The following TAF4 variants were observed in gnomAD, a reference collection of about 807,000 sequenced individuals.
TAF4 encodes the protein transcription initiation factor TFIID subunit 4.
In TAF4, 9 loss-of-function variants were observed where a neutral mutation model predicts 90.3. That is an observed-to-expected ratio of 0.10 (90% confidence interval 0.06 to 0.17). TAF4 has a LOEUF of 0.17. Ranked by LOEUF, TAF4 falls within the 10% of genes least tolerant of loss-of-function variation. The pLI is 1.00. For missense variants in TAF4, 1,351 were observed against 1,370.7 expected, an observed-to-expected ratio of 0.99 and a Z score of 0.23; for synonymous variants, 818 against 638.9, an observed-to-expected ratio of 1.28 and a Z score of -4.23.
chr20:62,062,279 C>T (rs755602267), intron 1 of TAF4, among the ~76,000 whole-genome samples: 8 of 152,188 alleles, frequency 5.3e-5, no homozygotes, highest in African/African-American at 9.7e-5. Context: ...TTAATATTCT[C>T]TGATCAATCG....
At chr20:62,001,164 G>A (rs750433336) in intron 9 of TAF4, among the ~76,000 whole-genome samples, 13 of 152,166 alleles carry the variant, frequency 8.5e-5, no homozygotes, top group Non-Finnish European at 1.5e-4. Flanking sequence ...TCCTCCACCC[G>A]GAACATTCTG....
intron 1 of TAF4, among the ~76,000 whole-genome samples, chr20:62,019,854 C>T (rs2055832801): frequency 6.6e-6 from 1 of 152,222 alleles, no homozygotes; most frequent in Non-Finnish European, 1.5e-5. Context: ...CGAAGCTGTG[C>T]CACAACCACA....
intron 1 of TAF4, among the ~76,000 whole-genome samples, chr20:62,038,177 A>G (rs549171964): frequency 2.7e-4 from 41 of 152,108 alleles, no homozygotes; most frequent in Non-Finnish European, 4.4e-4. Flanking sequence ...ACAGGAGCCC[A>G]CCACTACGCC....
chr20:62,056,646 C>G (rs2056065891), intron 1 of TAF4, among the ~76,000 whole-genome samples: 1 of 151,970 alleles, frequency 6.6e-6, no homozygotes, highest in Admixed American at 6.6e-5. Context: ...AGACTTGGGT[C>G]ACAGGAGAAC....
intron 1 of TAF4, among the ~76,000 whole-genome samples, chr20:62,033,191 G>C (rs2055913862): frequency 6.6e-6 from 1 of 152,152 alleles, no homozygotes; most frequent in Non-Finnish European, 1.5e-5. Context: ...GGTCAGGCAG[G>C]GTGGCCTCAG....
intron 1 of TAF4, among the ~76,000 whole-genome samples, chr20:62,048,468 G>A (rs1016040196): frequency 1.9e-4 from 29 of 152,136 alleles, no homozygotes; most frequent in African/African-American, 7.0e-4. Context: ...CCTCCCTCCT[G>A]TCCCCAGGGT....
At chr20:62,062,044 C>T (rs2056091737) in intron 1 of TAF4, among the ~76,000 whole-genome samples, 1 of 152,204 alleles carries the variant, frequency 6.6e-6, no homozygotes, top group Non-Finnish European at 1.5e-5. Flanking sequence ...CTTTCACACC[C>T]CATCCAATTG....
At chr20:61,984,731 G>A (rs189171632) in intron 14 of TAF4, among the ~76,000 whole-genome samples, 3 of 148,988 alleles carry the variant, frequency 2.0e-5, no homozygotes, top group South Asian at 2.2e-4. Context: ...GGCAGTGCCC[G>A]GGAACTCTGT....
chr20:62,018,594 G>A (rs1469153023), intron 1 of TAF4, among the ~76,000 whole-genome samples: 1 of 152,232 alleles, frequency 6.6e-6, no homozygotes, highest in Non-Finnish European at 1.5e-5. Context: ...GGACCCCAAG[G>A]CCAGGGCGGA....
At position 62,009,113 on chromosome 20, in the gene TAF4, G is replaced by A; in HGVS notation, c.1823C>T (p.Ser608Leu). The A allele has an allele frequency of 6.2e-7, 1 of 1,613,926 alleles. No homozygotes were observed. Among genetic ancestry groups the A allele is most frequent in the Non-Finnish European group, 8.5e-7 (1 of 1,179,934 alleles). Reference protein sequence around the residue: ...NFLSTLIKLASSGKQSTETAA... With the variant: ...NFLSTLIKLALSGKQSTETAA... ...TGTCTCTGTAGACTGCTTGCCAGAT[G>A]AAGCCAGTTTTATTAACGTAGATAG... The change falls in exon 5 of 15, where the codon TCA (serine) becomes TTA (leucine). Residue 608 changes from serine to leucine, a missense_variant. By Grantham distance (145) the Ser-to-Leu change is moderately radical. This residue lies in a region of TAF4 where 44 missense variants were observed against 97.4 expected (regional missense o/e 0.45). Transcript: ENST00000252996.
intron 1 of TAF4, among the ~76,000 whole-genome samples, chr20:62,064,023 G>A (rs546017341): frequency 2.0e-5 from 3 of 152,216 alleles, no homozygotes; most frequent in Non-Finnish European, 2.9e-5. Context: ...CTGAGCAGGG[G>A]ACAGCTGCTG....
Position 62,054,488 on chromosome 20 carries a change from G to A in TAF4, c.1360+9963C>T, listed in dbSNP as rs1359703321. The stretch of plus-strand genomic sequence containing the variant: ...CGCTGCGCTGGAGGCCAGGAGAGAC[G>A]CCAACCTTGCAACAAATGCTACTCC... On this transcript the variant is annotated intron_variant, in intron 1 of 14. Coordinates refer to ENST00000252996, the MANE Select transcript of TAF4 (RefSeq NM_003185.4). 2.6e-5 allele frequency among the ~76,000 whole-genome samples: 4 copies of A among 152,242 alleles called. No individual in the cohort carries two copies. In the South Asian group the frequency reaches 6.2e-4, roughly 24 times the overall value.
rs2055694657 is a variant in TAF4, at chr20:62,000,734, AG to A, written c.2487-14del. ...GTCATCATCGTCCCTTGAGGAAAGA[AG>A]GGAAGATCACTTTAACTGTACAAGG... On this transcript the variant is annotated splice_polypyrimidine_tract_variant and intron_variant, in intron 9 of 14. Transcript: ENST00000252996. The A allele has an allele frequency of 6.2e-7, 1 of 1,613,870 alleles. No individual in the cohort carries two copies. The highest frequency in any genetic ancestry group is 1.7e-5 in the Admixed American group (1 of 60,004).
At chr20:62,045,485 A>G (rs1480504387) in intron 1 of TAF4, among the ~76,000 whole-genome samples, 1 of 152,272 alleles carries the variant, frequency 6.6e-6, no homozygotes, top group Admixed American at 6.5e-5. Context: ...GGGATGAACC[A>G]GCGATGCTGC....
intron 1 of TAF4, among the ~76,000 whole-genome samples, chr20:62,050,928 T>A (rs572912824): frequency 1.3e-5 from 2 of 152,132 alleles, no homozygotes; most frequent in East Asian, 3.9e-4. Context: ...CCCTGGGCAC[T>A]GGGGAATCAG....
intron 6 of TAF4, among the ~76,000 whole-genome samples, chr20:62,007,338 A>G (rs1600840394): frequency 6.6e-6 from 1 of 152,332 alleles, no homozygotes; most frequent in East Asian, 1.9e-4. Flanking sequence ...CAGAACCACA[A>G]GGCCACCGTG....
rs1180521903 is a variant in TAF4 at position 61,989,443 on chromosome 20, A to G, written c.3090+8107T>C. On this transcript the variant is annotated intron_variant, in intron 14 of 14. Coordinates refer to ENST00000252996, the MANE Select transcript of TAF4 (RefSeq NM_003185.4). ...CCTAGAAATAATGAGAGTGCTGATC[A>G]GAGCCCACCAAACACAACAGGGGTC... Among the ~76,000 whole-genome samples, 3 of 152,344 alleles carry G rather than the reference A, an allele frequency of 2.0e-5. No individual in the cohort carries two copies. The East Asian group carries it at 5.8e-4, about 29-fold the overall frequency.
rs542530686 is a variant in TAF4, at chr20:62,007,740, G to A, written c.1885-104C>T. 32 of 1,082,598 alleles carry A rather than the reference G, an allele frequency of 3.0e-5. No homozygotes were observed. The East Asian group carries it at 4.5e-4, about 15-fold the overall frequency. 67.1% of individuals were successfully genotyped at this position (1,082,598 alleles called of 1,614,324 possible). A position where few individuals can be genotyped will look rare whatever the true frequency, so the allele number is the denominator to read the frequency against. ...CGTATTTTACGGCTGATTCCGCCCC[G>A]AGTTTCACTGGACAGAGGAGATGGG... On this transcript the variant is annotated intron_variant, in intron 5 of 14. Coordinates refer to ENST00000252996, the MANE Select transcript of TAF4 (RefSeq NM_003185.4).
intron 1 of TAF4, 139 bp downstream of exon 1, chr20:62,064,310 TAG>T: frequency 9.9e-7 from 1 of 1,011,844 alleles, no homozygotes; most frequent in African/African-American, 1.7e-5. Context: ...CGCACCTGGG[TAG>T]AGACTGCCCC....
Sources: allele counts gnomAD v4.1 joint callset (sites outside exome capture counted in the v4.1 genomes callset), GRCh38; gene constraint gnomAD v4.1.1; regional missense constraint gnomAD v4.1.1; transcripts MANE v1.5; gene names NCBI Gene and HGNC (gene_info 2026-07-23, HGNC 2026-07-21).